Variants in CNTNAP2 observed in about 807,000 individuals in gnomAD.
The protein encoded by CNTNAP2 is contactin associated protein 2.
CNTNAP2 carries 98 observed loss-of-function variants against 155.2 expected under a neutral mutation model. The ratio of observed to expected loss-of-function variants is 0.63; its 90% confidence interval spans 0.54 to 0.75. CNTNAP2 has a LOEUF of 0.75. Ranked by LOEUF, CNTNAP2 falls within the 30% of genes least tolerant of loss-of-function variation. The pLI is 0.00. For synonymous variants in CNTNAP2, 651 were observed against 631.2 expected, an observed-to-expected ratio of 1.03 and a Z score of -0.47; for missense variants, 1,727 against 1,688.1, an observed-to-expected ratio of 1.02 and a Z score of -0.40.
chr7:146,465,593 A>G (rs748497222), intron 1 of CNTNAP2, among the ~76,000 whole-genome samples: 20 of 152,258 alleles, frequency 1.3e-4, no homozygotes, highest in Non-Finnish European at 2.6e-4. Context: ...CATTCCATGT[A>G]TGTGTGGCAG....
Position 147,838,330 on chromosome 7 carries a change from T to G in CNTNAP2, c.2099-65235T>G, listed in dbSNP as rs182666641. ...GGAGACATTTTCCCCATAGTCTTGG[T>G]GAATAACTCGGCTCCTCATTACTTA... On this transcript the variant is annotated intron_variant, in intron 13 of 23. Coordinates refer to ENST00000361727, the MANE Select transcript of CNTNAP2 (RefSeq NM_014141.6). Among the ~76,000 whole-genome samples the G allele has an allele frequency of 5.9e-4, 90 of 152,320 alleles. 1 individual carries two copies. The highest frequency in any genetic ancestry group is 2.1e-3 in the African/African-American group (86 of 41,576).
intron 21 of CNTNAP2, among the ~76,000 whole-genome samples, chr7:148,303,625 A>C (rs578017629): frequency 1.1e-4 from 17 of 152,368 alleles, no homozygotes; most frequent in African/African-American, 4.1e-4. Flanking sequence ...GAATAGAAAT[A>C]TTTACCATCA....
chr7:147,430,892 G>A (rs1797454384), intron 10 of CNTNAP2, among the ~76,000 whole-genome samples: 1 of 151,888 alleles, frequency 6.6e-6, no homozygotes, highest in African/African-American at 2.4e-5. Context: ...GTGAGACACC[G>A]TCTCTACTGA....
Position 147,481,581 on chromosome 7 carries a change from A to T in CNTNAP2, c.1671-4354A>T, listed in dbSNP as rs184799265. Among the ~76,000 whole-genome samples the T allele has an allele frequency of 9.8e-5, 15 of 152,306 alleles. No homozygotes were observed. The East Asian group carries it at 2.7e-3, about 27-fold the overall frequency. On this transcript the variant is annotated intron_variant, in intron 10 of 23. Transcript: ENST00000361727. ...CCAAAATATAGCTTTCATTTGTCTT[A>T]TGTATTGGAGTCTAAATGAATTTTA...
At chr7:146,825,088 A>T (rs1803375242) in intron 2 of CNTNAP2, among the ~76,000 whole-genome samples, 1 of 151,922 alleles carries the variant, frequency 6.6e-6, no homozygotes, top group Non-Finnish European at 1.5e-5. Flanking sequence ...GTGTGTGTGT[A>T]CTTATCCTAA....
rs76228365 is a variant in CNTNAP2 at position 147,332,053 on chromosome 7, A to T, written c.1498+31763A>T. The stretch of plus-strand genomic sequence containing the variant: ...GGCTTTGGCAATAGTTAATGCAGAA[A>T]TACTAATAAGAAATGAGAACATTGT... On this transcript the variant is annotated intron_variant, in intron 9 of 23. Coordinates refer to ENST00000361727, the MANE Select transcript of CNTNAP2 (RefSeq NM_014141.6). 1.6e-4 allele frequency among the ~76,000 whole-genome samples: 24 copies of T among 152,360 alleles called. 1 individual carries two copies. In the East Asian group the frequency reaches 4.0e-3, roughly 26 times the overall value.
At chr7:147,654,801 T>G (rs1393075735) in intron 13 of CNTNAP2, among the ~76,000 whole-genome samples, 2 of 144,956 alleles carry the variant, frequency 1.4e-5, no homozygotes, top group African/African-American at 5.4e-5. Context: ...CCTAGCAAAA[T>G]ATATTTCTTT....
At chr7:147,434,186 G>T (rs1797511615) in intron 10 of CNTNAP2, among the ~76,000 whole-genome samples, 1 of 152,152 alleles carries the variant, frequency 6.6e-6, no homozygotes, top group Non-Finnish European at 1.5e-5. Context: ...GCTAATAGTT[G>T]TAGTATTCTG....
intron 5 of CNTNAP2, among the ~76,000 whole-genome samples, chr7:147,115,030 GC>G (rs1330762384): frequency 2.6e-5 from 4 of 152,282 alleles, no homozygotes; most frequent in Admixed American, 1.3e-4. Context: ...CTCAGCATTT[GC>G]TTGTCTGAAA....
At chr7:147,007,914 C>G (rs1021468176) in intron 3 of CNTNAP2, among the ~76,000 whole-genome samples, 1 of 152,172 alleles carries the variant, frequency 6.6e-6, no homozygotes, top group East Asian at 1.9e-4. Context: ...AAATGAACTT[C>G]TCTCCCTAAT....
At chr7:148,332,988 T>A (rs1304737746) in intron 21 of CNTNAP2, among the ~76,000 whole-genome samples, 2 of 152,188 alleles carry the variant, frequency 1.3e-5, no homozygotes, top group Non-Finnish European at 2.9e-5. Flanking sequence ...TGATGACATA[T>A]CCTTTATCAC....
At chr7:146,342,989 T>C (rs2129096923) in intron 1 of CNTNAP2, among the ~76,000 whole-genome samples, 1 of 152,344 alleles carries the variant, frequency 6.6e-6, no homozygotes, top group East Asian at 1.9e-4. Context: ...TCATGAGCAA[T>C]AGGCATTTTC....
At chr7:146,506,037 T>C (rs1221778690) in intron 1 of CNTNAP2, among the ~76,000 whole-genome samples, 2 of 152,232 alleles carry the variant, frequency 1.3e-5, no homozygotes, top group Non-Finnish European at 2.9e-5. Context: ...TGTCCATCCA[T>C]TGTGCCCACT....
At chr7:146,221,088 T>G (rs1332227937) in intron 1 of CNTNAP2, among the ~76,000 whole-genome samples, 1 of 152,214 alleles carries the variant, frequency 6.6e-6, no homozygotes, top group Non-Finnish European at 1.5e-5. Context: ...AGAATGAATC[T>G]GCATGAGTTG....
intron 21 of CNTNAP2, among the ~76,000 whole-genome samples, chr7:148,306,151 A>G (rs1423447610): frequency 6.6e-6 from 1 of 152,204 alleles, no homozygotes. Context: ...GAATTTGTCT[A>G]TTGTCAATAG....
At chr7:146,910,797 T>G (rs1217145527) in intron 3 of CNTNAP2, among the ~76,000 whole-genome samples, 1 of 146,214 alleles carries the variant, frequency 6.8e-6, no homozygotes, top group East Asian at 2.0e-4. Context: ...AAGCCAAAAT[T>G]GACAAATGGG....
intron 15 of CNTNAP2, among the ~76,000 whole-genome samples, chr7:147,998,867 T>C (rs1801852660): frequency 6.6e-6 from 1 of 152,094 alleles, no homozygotes; most frequent in Non-Finnish European, 1.5e-5. Flanking sequence ...GAGTGGGAAA[T>C]CTTTAATTAA....
chr7:147,906,460 GC>G (rs1799959575), intron 14 of CNTNAP2, among the ~76,000 whole-genome samples: 1 of 151,876 alleles, frequency 6.6e-6, no homozygotes, highest in South Asian at 2.1e-4. Context: ...GAGCCACCAT[GC>G]CTGGCCAAGA....
intron 21 of CNTNAP2, among the ~76,000 whole-genome samples, chr7:148,345,103 C>G (rs1798298145): frequency 6.6e-6 from 1 of 152,106 alleles, no homozygotes; most frequent in Non-Finnish European, 1.5e-5. Context: ...CTCAGAACAG[C>G]AGCAGGAATT....
Sources: allele counts gnomAD v4.1 joint callset (sites outside exome capture counted in the v4.1 genomes callset), GRCh38; gene constraint gnomAD v4.1.1; transcripts MANE v1.5; gene names NCBI Gene and HGNC (gene_info 2026-07-23, HGNC 2026-07-21).